The following FGGY variants were observed in gnomAD, a reference collection of about 807,000 sequenced individuals.
FGGY encodes FGGY carbohydrate kinase domain containing.
Under a neutral mutation model 71.3 loss-of-function variants are expected in FGGY, and 72 were observed. That is an observed-to-expected ratio of 1.01 (90% CI 0.84 to 1.23). The LOEUF (loss-of-function observed/expected upper bound fraction) is 1.23, where lower values mean the gene tolerates loss of function less well. Among genes scored for constraint, FGGY ranks in the 50% most tolerant of loss-of-function variants. The probability of loss-of-function intolerance (pLI) is 0.00; values close to 1 mark genes in which losing one functional copy is unlikely to be tolerated. For synonymous variants in FGGY, 251 were observed against 250.3 expected (o/e 1.00, Z -0.02); for missense variants, 668 against 682.3 (o/e 0.98, Z 0.23).
chr1:59,322,951 A>G (rs1480716324), intron 2 of FGGY, among the ~76,000 whole-genome samples: 2 of 152,074 alleles, frequency 1.3e-5, no homozygotes, highest in African/African-American at 2.4e-5. Flanking sequence ...TTCTGTCCCT[A>G]TTGATCAGTC....
chr1:59,559,945 T>C (rs1421108859), intron 8 of FGGY, among the ~76,000 whole-genome samples: 1 of 152,200 alleles, frequency 6.6e-6, no homozygotes, highest in Non-Finnish European at 1.5e-5. Context: ...ATATAAATGT[T>C]CCACCATCAA....
Position 59,305,840 on chromosome 1 carries a change from C to T in FGGY, c.-15+8690C>T, listed in dbSNP as rs140051276. Among the ~76,000 whole-genome samples, 162 of 152,302 alleles carry T rather than the reference C, an allele frequency of 1.1e-3. 1 individual carries two copies. The East Asian group carries it at 0.027, about 25-fold the overall frequency. On this transcript the variant is annotated intron_variant, in intron 1 of 15. Transcript: ENST00000303721. Reference sequence around the variant, plus strand: ...ATTAGTACGGATGATTAGTACTCTCCTGAATACTTGGGGAGTACCTTTGCA... The same window carrying T: ...ATTAGTACGGATGATTAGTACTCTCTTGAATACTTGGGGAGTACCTTTGCA...
intron 14 of FGGY, among the ~76,000 whole-genome samples, chr1:59,714,939 C>T (rs894247197): frequency 6.6e-6 from 1 of 152,210 alleles, no homozygotes; most frequent in African/African-American, 2.4e-5. Flanking sequence ...GAGTTACATG[C>T]ATCATACTTC....
At chr1:59,756,200 C>T (rs890022719) in intron 14 of FGGY, 4 of 152,104 alleles carry the variant, frequency 2.6e-5, no homozygotes, top group African/African-American at 9.7e-5. Context: ...GTTTCTTTGT[C>T]AATAATTTTT....
At chr1:59,542,036 A>G (rs1015105933) in intron 7 of FGGY, among the ~76,000 whole-genome samples, 4 of 152,238 alleles carry the variant, frequency 2.6e-5, no homozygotes, top group Admixed American at 6.5e-5. Context: ...ATAACAGCTA[A>G]GCCATTTTTG....
intron 14 of FGGY, among the ~76,000 whole-genome samples, chr1:59,740,708 C>T (rs2101271749): frequency 6.6e-6 from 1 of 152,352 alleles, no homozygotes; most frequent in Non-Finnish European, 1.5e-5. Context: ...GAGACTCTTT[C>T]ATCTCCTACT....
chr1:59,480,792 G>A (rs531232935), intron 6 of FGGY, among the ~76,000 whole-genome samples: 1 of 152,206 alleles, frequency 6.6e-6, no homozygotes, highest in South Asian at 2.1e-4. Context: ...GGAAAAGGGA[G>A]GGAGGAAACA....
At chr1:59,320,462 C>T (rs934727651) in intron 1 of FGGY, among the ~76,000 whole-genome samples, 6 of 152,172 alleles carry the variant, frequency 3.9e-5, no homozygotes, top group African/African-American at 1.2e-4. Context: ...CATCCACCTG[C>T]TCAGTTGTGT....
chr1:59,376,475 A>G (rs1019286029), intron 4 of FGGY, among the ~76,000 whole-genome samples: 6 of 152,220 alleles, frequency 3.9e-5, no homozygotes, highest in East Asian at 1.9e-4. Flanking sequence ...GGGAAGCACT[A>G]TGTAGGAGGA....
intron 1 of FGGY, among the ~76,000 whole-genome samples, chr1:59,301,370 T>C (rs2042712445): frequency 1.3e-5 from 2 of 152,238 alleles, no homozygotes; most frequent in South Asian, 4.1e-4. Context: ...CCATCAGATT[T>C]TCTATTTAGG....
intron 6 of FGGY, among the ~76,000 whole-genome samples, chr1:59,500,016 C>A (rs573902912): frequency 6.6e-6 from 1 of 152,056 alleles, no homozygotes; most frequent in Non-Finnish European, 1.5e-5. Context: ...TCTGTACTGT[C>A]GAATTTTGCC....
chr1:59,578,507 G>A (rs1326329118), intron 8 of FGGY, among the ~76,000 whole-genome samples: 4 of 152,064 alleles, frequency 2.6e-5, no homozygotes, highest in Non-Finnish European at 4.4e-5. Flanking sequence ...GTGTGTATAC[G>A]CTAAGCCTGA....
chr1:59,363,693 G>A (rs982184705), intron 4 of FGGY, among the ~76,000 whole-genome samples: 2 of 152,204 alleles, frequency 1.3e-5, no homozygotes, highest in Non-Finnish European at 2.9e-5. Context: ...AGGGACTGTG[G>A]AGATGCTGAC....
intron 15 of FGGY, 89 bp from the exon 16 acceptor site, chr1:59,762,414 A>G: frequency 2.1e-6 from 2 of 940,306 alleles, no homozygotes; most frequent in East Asian, 5.3e-5. Context: ...TCACCACCAC[A>G]CATATATTTC....
intron 3 of FGGY, among the ~76,000 whole-genome samples, chr1:59,342,715 G>A (rs999497680): frequency 2.0e-5 from 3 of 152,158 alleles, no homozygotes; most frequent in Non-Finnish European, 2.9e-5. Flanking sequence ...TGGCTAATGG[G>A]AGTAATTGTG....
intron 6 of FGGY, among the ~76,000 whole-genome samples, chr1:59,457,776 A>T (rs2091857921): frequency 6.6e-6 from 1 of 152,190 alleles, no homozygotes; most frequent in Non-Finnish European, 1.5e-5. Context: ...GTGAACAGGT[A>T]AAAAATAAAG....
intron 14 of FGGY, among the ~76,000 whole-genome samples, chr1:59,744,684 G>A (rs1375353609): frequency 6.6e-6 from 1 of 152,188 alleles, no homozygotes; most frequent in African/African-American, 2.4e-5. Flanking sequence ...GCTTTATACA[G>A]ATATCCTGGA....
chr1:59,756,938 A>G (rs918825721), intron 14 of FGGY, among the ~76,000 whole-genome samples: 5 of 147,444 alleles, frequency 3.4e-5, no homozygotes, highest in Admixed American at 2.7e-4. Context: ...CCTTACTAGT[A>G]TGTGAGTTTC....
intron 3 of FGGY, among the ~76,000 whole-genome samples, chr1:59,345,607 C>CATCTTCATCTGTAACTGT (rs983482863): frequency 4.6e-5 from 7 of 152,216 alleles, no homozygotes; most frequent in African/African-American, 1.7e-4. Context: ...CTGAATTATA[C>CATCTTCATCTGTAACTGT]ATCTTCATCT....
Sources: gnomAD v4.1 joint callset for allele counts (sites outside exome capture counted in the v4.1 genomes callset) on GRCh38, gnomAD v4.1.1 for gene constraint, MANE v1.5 for transcripts, NCBI Gene and HGNC (gene_info 2026-07-23, HGNC 2026-07-21) for gene names.